Variants in ATPAF1 observed in about 807,000 individuals in gnomAD.
ATPAF1 encodes the protein ATP synthase mitochondrial F1 complex assembly factor 1.
ATPAF1 carries 26 observed loss-of-function variants against 43.9 expected under a neutral mutation model. That is an observed-to-expected ratio of 0.59 (90% CI 0.43 to 0.82). The LOEUF (loss-of-function observed/expected upper bound fraction) is 0.82, where lower values mean the gene tolerates loss of function less well. Among genes scored for constraint, ATPAF1 ranks in the 40% least tolerant of loss-of-function variants. The probability of loss-of-function intolerance (pLI) is 0.00; values close to 1 mark genes in which losing one functional copy is unlikely to be tolerated. For synonymous variants in ATPAF1, 157 were observed against 168.0 expected, an observed-to-expected ratio of 0.93 and a Z score of 0.50; for missense variants, 366 against 435.0, an observed-to-expected ratio of 0.84 and a Z score of 1.41.
intron 2 of ATPAF1, chr1:46,663,985 T>G (rs1676445769): frequency 9.8e-6 from 10 of 1,020,902 alleles, no homozygotes; most frequent in Non-Finnish European, 1.3e-5. Context: ...TGATCAGAGT[T>G]TTTTAAAAGA....
chr1:46,649,244 T>G (rs905988236), intron 6 of ATPAF1, among the ~76,000 whole-genome samples: 1 of 151,344 alleles, frequency 6.6e-6, no homozygotes, highest in Non-Finnish European at 1.5e-5. Context: ...AGAGGTTCCT[T>G]TTTTTTGTGC....
chr1:46,643,489 A>G (rs1463969460), intron 7 of ATPAF1, among the ~76,000 whole-genome samples, 188 bp from the exon 8 acceptor site: 1 of 152,232 alleles, frequency 6.6e-6, no homozygotes, highest in Admixed American at 6.5e-5. Flanking sequence ...CAGTTTGCAC[A>G]GTGTTATTTG....
rs1676207650 is a variant in ATPAF1, at chr1:46,653,437, T to C, written c.540+380A>G. Reference sequence around the variant, plus strand: ...AAGAGGCTCCAAGTCAGCTCAGGTATAGGTCACTTACAGGCAAGAAGGGAA... The same window carrying C: ...AAGAGGCTCCAAGTCAGCTCAGGTACAGGTCACTTACAGGCAAGAAGGGAA... On this transcript the variant is annotated intron_variant, in intron 5 of 8. Coordinates refer to ENST00000574428, the Ensembl canonical transcript of ATPAF1. This position sits in a 1 kb window ranked among gnomAD's most constrained non-coding sequence, Gnocchi z 4.8. 2.0e-5 allele frequency among the ~76,000 whole-genome samples: 3 copies of C among 152,116 alleles called. No homozygotes were observed. Among genetic ancestry groups the C allele is most frequent in the Admixed American group, 2.0e-4 (3 of 15,256 alleles).
chr1:46,654,062 G>A (rs912661005), intron 4 of ATPAF1, among the ~76,000 whole-genome samples, 195 bp from the exon 5 acceptor site: 3 of 152,180 alleles, frequency 2.0e-5, no homozygotes, highest in African/African-American at 4.8e-5. Flanking sequence ...TGATTAAACT[G>A]TAACTCTTAA....
intron 8 of ATPAF1, 100 bp from the exon 9 acceptor site, chr1:46,636,070 A>C: frequency 7.4e-7 from 1 of 1,358,768 alleles, no homozygotes; most frequent in Non-Finnish European, 1.0e-6. Context: ...AGGAGTCACC[A>C]CTTCCAGAAA....
At chr1:46,650,150 T>C (rs1676136927) in intron 6 of ATPAF1, among the ~76,000 whole-genome samples, 1 of 152,100 alleles carries the variant, frequency 6.6e-6, no homozygotes, top group African/African-American at 2.4e-5. Flanking sequence ...GACCTCTTAA[T>C]TCCTTTAGGC....
At chr1:46,658,226 T>TAA (rs3214697) in intron 3 of ATPAF1, 37 bp from the exon 4 acceptor site, 14,572 of 1,134,358 alleles carry the variant, frequency 0.013, no homozygotes, top group South Asian at 0.022. Context: ...AACACATAAT[T>TAA]AAAAAAAAAA....
intron 1 of ATPAF1, chr1:46,665,937 T>C (rs1676483340): frequency 8.0e-7 from 1 of 1,246,264 alleles, no homozygotes; most frequent in Non-Finnish European, 1.0e-6. Flanking sequence ...CAAAATGGGG[T>C]TGGTCTTCAG....
rs1676322374 is a variant in ATPAF1, at chr1:46,658,606, T to TA, written c.426+80dup. The TA allele has an allele frequency of 2.8e-6, 3 of 1,068,238 alleles. No homozygotes were observed. The Admixed American group carries it at 7.2e-5, about 26-fold the overall frequency. 66.2% of individuals were successfully genotyped at this position (1,068,238 alleles called of 1,614,324 possible). ...CACAAAATCACTGAGCCACAGTACT[T>TA]ATGTTCAAATTTGCAGCCTCTTGTT... On this transcript the variant is annotated intron_variant, in intron 3 of 8. Coordinates refer to ENST00000574428, the Ensembl canonical transcript of ATPAF1.
chr1:46,662,626 C>A (rs1023319033), intron 2 of ATPAF1, among the ~76,000 whole-genome samples: 1 of 152,066 alleles, frequency 6.6e-6, no homozygotes, highest in African/African-American at 2.4e-5. Flanking sequence ...AGGGTTTCAC[C>A]CTGTTGGCCA....
intron 5 of ATPAF1, 54 bp from the exon 6 acceptor site, chr1:46,652,682 C>T: frequency 6.9e-7 from 1 of 1,451,058 alleles, no homozygotes; most frequent in Non-Finnish European, 9.6e-7. Flanking sequence ...CACAAAAGGC[C>T]ACTATCACAT....
chr1:46,643,253 C>G (rs757491853), exon 8 of ATPAF1: 2 of 1,613,906 alleles, frequency 1.2e-6, no homozygotes, highest in Non-Finnish European at 1.7e-6. Flanking sequence ...TCCTTAAGTT[C>G]AGGATAGTGA....
At chr1:46,644,327 C>G (rs1676000051) in intron 7 of ATPAF1, among the ~76,000 whole-genome samples, 1 of 152,044 alleles carries the variant, frequency 6.6e-6, no homozygotes, top group East Asian at 1.9e-4. Flanking sequence ...ACATCTGAGG[C>G]CACTTTCTTC....
intron 6 of ATPAF1, among the ~76,000 whole-genome samples, chr1:46,649,603 G>C (rs370384553): frequency 6.6e-6 from 1 of 152,098 alleles, no homozygotes; most frequent in East Asian, 1.9e-4. Flanking sequence ...TTCATCTAGA[G>C]ACCAATTAGG....
At chr1:46,655,282 C>T (rs1438010150) in intron 4 of ATPAF1, among the ~76,000 whole-genome samples, 1 of 151,960 alleles carries the variant, frequency 6.6e-6, no homozygotes, top group African/African-American at 2.4e-5. Flanking sequence ...ATGTTATAGG[C>T]AGCTCTTAAA....
chr1:46,641,950 G>A (rs540879228), intron 8 of ATPAF1, among the ~76,000 whole-genome samples: 1 of 152,112 alleles, frequency 6.6e-6, no homozygotes, highest in South Asian at 2.1e-4. Context: ...CTCCAGCCTG[G>A]ACTTCTCCCA....
intron 8 of ATPAF1, 117 bp downstream of exon 8, chr1:46,643,077 G>C: frequency 1.3e-6 from 1 of 790,162 alleles, no homozygotes; most frequent in African/African-American, 1.8e-5. Flanking sequence ...TTTAAAATAA[G>C]TAAGAAACAA....
chr1:46,650,139 C>T (rs932306318), intron 6 of ATPAF1, among the ~76,000 whole-genome samples: 21 of 152,174 alleles, frequency 1.4e-4, no homozygotes, highest in East Asian at 3.9e-4. Context: ...ATTTCAGCTA[C>T]GACCTCTTAA....
chr1:46,649,850 G>GC (rs1676130548), intron 6 of ATPAF1, among the ~76,000 whole-genome samples: 1 of 152,002 alleles, frequency 6.6e-6, no homozygotes, highest in African/African-American at 2.4e-5. Context: ...TGCTTCAGCT[G>GC]AAGAGATTGA....
Sources: allele counts gnomAD v4.1 joint callset (sites outside exome capture counted in the v4.1 genomes callset), GRCh38; gene constraint gnomAD v4.1.1; non-coding constraint Gnocchi (gnomAD v3.1); transcripts MANE v1.5; gene names NCBI Gene and HGNC (gene_info 2026-07-23, HGNC 2026-07-21).